The following TLK2 variants were observed in gnomAD, a reference collection of about 807,000 sequenced individuals.
TLK2 encodes the protein serine/threonine-protein kinase tousled-like 2.
TLK2 carries 6 observed loss-of-function variants against 117.3 expected under a neutral mutation model. That is an observed-to-expected ratio of 0.05 (90% CI 0.03 to 0.10). The LOEUF is 0.10. TLK2 is among the 10% of genes least tolerant of loss of function. The pLI, the probability that TLK2 is intolerant of heterozygous loss-of-function variation, is 1.00. For missense variants in TLK2, 299 were observed against 901.2 expected (o/e 0.33, Z 8.56); for synonymous variants, 257 against 316.7 (o/e 0.81, Z 2.00).
chr17:62,537,535 C>T (rs2077197189), intron 7 of TLK2, among the ~76,000 whole-genome samples: 1 of 152,086 alleles, frequency 6.6e-6, no homozygotes, highest in South Asian at 2.1e-4. Context: ...GCATTAGGTT[C>T]ACTGGTGTGT....
At chr17:62,537,744 T>C (rs1344586825) in intron 7 of TLK2, among the ~76,000 whole-genome samples, 6 of 152,226 alleles carry the variant, frequency 3.9e-5, no homozygotes, top group Non-Finnish European at 8.8e-5. Context: ...AGCTCACTTT[T>C]ATTTCAGTGT....
At chr17:62,480,391 C>T (rs2071491632) in intron 1 of TLK2, among the ~76,000 whole-genome samples, 1 of 152,060 alleles carries the variant, frequency 6.6e-6, no homozygotes. Context: ...AAAATGGTGT[C>T]CTCCTGCCCC....
intron 2 of TLK2, among the ~76,000 whole-genome samples, chr17:62,501,213 G>T (rs1312828136): frequency 2.6e-5 from 4 of 152,078 alleles, no homozygotes; most frequent in Admixed American, 6.6e-5. Context: ...ACTCCAGCCT[G>T]GGTGACAGAG....
chr17:62,536,251 C>G lies in TLK2; in HGVS notation c.445C>G (p.Leu149Val). 6.2e-7 allele frequency: 1 copy of G among 1,613,384 alleles called. No homozygotes were observed. The highest frequency in any genetic ancestry group is 8.5e-7 in the Non-Finnish European group (1 of 1,179,802). The stretch of plus-strand genomic sequence containing the variant: ...GGAGGAGCAGTCTGCTCTGCCAACC[C>G]TCATGTCAGTGATGCTAGCAAAACC... ...ATEEQSALPTLMSVMLAKPRL... is the reference protein window; with the variant it reads ...ATEEQSALPTVMSVMLAKPRL... Residue 149 changes from leucine to valine, a missense_variant, in exon 7 of 22, where the codon CTC becomes GTC. By Grantham distance (32) the Leu-to-Val change is conservative. Around this residue, in one of 4 missense-constraint regions of TLK2, gnomAD observed 105 missense variants for 218.4 expected, o/e 0.48. Transcript: ENST00000346027.
chr17:62,511,442 C>G (rs1338951286), intron 2 of TLK2, among the ~76,000 whole-genome samples: 2 of 152,186 alleles, frequency 1.3e-5, no homozygotes, highest in African/African-American at 4.8e-5. Flanking sequence ...GCAATCTTAG[C>G]TCACTGCAGC....
chr17:62,552,117 C>T (rs374185016), intron 7 of TLK2, 185 bp from the exon 8 acceptor site: 1 of 886,790 alleles, frequency 1.1e-6, no homozygotes, highest in Non-Finnish European at 1.7e-6. Flanking sequence ...CCACCATGTC[C>T]AGCCCTTTGT....
At chr17:62,588,339 G>A (rs888569574) in intron 16 of TLK2, among the ~76,000 whole-genome samples, 1 of 152,164 alleles carries the variant, frequency 6.6e-6, no homozygotes, top group Admixed American at 6.5e-5. Context: ...TGGAAGCCGG[G>A]CCTTGTCCCT....
chr17:62,602,058 A>G lies in TLK2; in HGVS notation c.1737A>G (p.Val579=). The G allele has an allele frequency of 1.2e-6, 2 of 1,611,052 alleles. No homozygotes were observed. Among genetic ancestry groups the G allele is most frequent in the Non-Finnish European group, 1.7e-6 (2 of 1,179,290 alleles). ...ATTTTTTAGGTAATATTCTTTTAGT[A>G]AATGGTACAGCGTGTGGAGAGATAA... The part of the protein sequence containing the change: ...YDLKPGNILL[V]NGTACGEIKI... Residue 579 remains valine (V), a synonymous_variant, in exon 19 of 22, where the codon GTA becomes GTG. Coordinates refer to ENST00000346027, the MANE Select transcript of TLK2 (RefSeq NM_006852.6).
intron 11 of TLK2, among the ~76,000 whole-genome samples, chr17:62,570,461 T>C (rs1314170675): frequency 6.6e-6 from 1 of 152,186 alleles, no homozygotes; most frequent in Non-Finnish European, 1.5e-5. Flanking sequence ...TGCTGGGGGA[T>C]ATACGGATTG....
Position 62,605,281 on chromosome 17 carries a change from CG to C in TLK2, c.1860-848del, listed in dbSNP as rs2083199917. 2.0e-5 allele frequency among the ~76,000 whole-genome samples: 3 copies of C among 152,234 alleles called. No individual in the cohort carries two copies. In the South Asian group the frequency reaches 6.2e-4, roughly 32 times the overall value. On this transcript the variant is annotated intron_variant, in intron 19 of 21. Coordinates refer to ENST00000346027, the MANE Select transcript of TLK2 (RefSeq NM_006852.6). Reference sequence around the variant, plus strand: ...GGCAGAGGTTGCAGTGAGCCGAGATCGTGAGTGAAGTGGGACTAGTGAGAAT... The same window carrying C: ...GGCAGAGGTTGCAGTGAGCCGAGATCTGAGTGAAGTGGGACTAGTGAGAAT...
At position 62,536,915 on chromosome 17, in the gene TLK2, T is replaced by G. The variant is rs2077153287; in HGVS notation, c.531+578T>G. Among the ~76,000 whole-genome samples, 4 of 152,210 alleles carry G rather than the reference T, an allele frequency of 2.6e-5. No individual in the cohort carries two copies. In the South Asian group the frequency reaches 8.3e-4, roughly 32 times the overall value. The stretch of plus-strand genomic sequence containing the variant: ...TTTCTCTATCTTTGAAGAACAAGAA[T>G]TTGAGTATTATGAAAGTTTGACCTC... On this transcript the variant is annotated intron_variant, in intron 7 of 21. Coordinates refer to ENST00000346027, the MANE Select transcript of TLK2 (RefSeq NM_006852.6).
chr17:62,570,194 C>CATCTTTTG (rs2080164953), intron 11 of TLK2, among the ~76,000 whole-genome samples: 1 of 152,160 alleles, frequency 6.6e-6, no homozygotes, highest in South Asian at 2.1e-4. Flanking sequence ...GTACTAACGA[C>CATCTTTTG]TTTAACACAT....
At chr17:62,510,989 G>C (rs550215694) in intron 2 of TLK2, among the ~76,000 whole-genome samples, 1 of 152,234 alleles carries the variant, frequency 6.6e-6, no homozygotes. Context: ...AGAGTAATTA[G>C]AGATTGGCAG....
intron 15 of TLK2, among the ~76,000 whole-genome samples, chr17:62,584,617 ACAGCCTGG>A (rs2081477732): frequency 6.6e-6 from 1 of 152,154 alleles, no homozygotes; most frequent in Admixed American, 6.5e-5. Context: ...GAGTTCAAAA[ACAGCCTGG>A]CAAACACATT....
intron 15 of TLK2, 89 bp from the exon 16 acceptor site, chr17:62,586,042 TTTGA>T (rs1247442508): frequency 3.2e-6 from 3 of 933,502 alleles, no homozygotes; most frequent in Non-Finnish European, 4.9e-6. Context: ...TATTTTGGAC[TTTGA>T]TTATGTTATA....
intron 12 of TLK2, 147 bp from the exon 13 acceptor site, chr17:62,576,562 T>G (rs992057954): frequency 1.2e-4 from 75 of 616,160 alleles, no homozygotes; most frequent in Non-Finnish European, 1.4e-5. Flanking sequence ...TTTTCTCTTG[T>G]CAGAGGACTA....
rs531859891 is a variant in TLK2 at position 62,473,499 on chromosome 17, G to A, written c.-205+2421G>A. Among the ~76,000 whole-genome samples, 7 of 152,294 alleles carry A rather than the reference G, an allele frequency of 4.6e-5. No homozygotes were observed. The South Asian group carries it at 1.2e-3, about 27-fold the overall frequency. On this transcript the variant is annotated intron_variant, in intron 1 of 4. Transcript: ENST00000579450. ...AAAGGGAGTTGAGAAAAGCTTCAGA[G>A]GTTTTCAAAGTGGTTTCCAGACCAT... is the stretch of plus-strand genomic sequence containing the variant.
intron 13 of TLK2, 38 bp from the exon 14 acceptor site, chr17:62,578,438 TC>T (rs765240397): frequency 3.3e-6 from 5 of 1,532,890 alleles, no homozygotes; most frequent in Non-Finnish European, 4.5e-6. Context: ...AAGGTAAAGT[TC>T]CCCCTATTTT....
chr17:62,605,523 CT>C (rs2083224746), intron 19 of TLK2, among the ~76,000 whole-genome samples: 2 of 151,928 alleles, frequency 1.3e-5, no homozygotes, highest in Non-Finnish European at 2.9e-5. Flanking sequence ...CAGGGGTGTG[CT>C]ACCAGGCGCA....
Sources: gnomAD v4.1 joint callset for allele counts (sites outside exome capture counted in the v4.1 genomes callset) on GRCh38, gnomAD v4.1.1 for gene constraint, gnomAD v4.1.1 regional missense constraint, MANE v1.5 for transcripts, NCBI Gene and HGNC (gene_info 2026-07-23, HGNC 2026-07-21) for gene names.